The following CIB3 variants were observed in gnomAD, a reference collection of about 807,000 sequenced individuals.
The protein encoded by CIB3 is calcium and integrin-binding family member 3.
CIB3 carries 22 observed loss-of-function variants against 23.4 expected under a neutral mutation model. The ratio of observed to expected loss-of-function variants is 0.94; its 90% CI spans 0.67 to 1.34. CIB3 has a LOEUF of 1.34. Ranked by LOEUF, CIB3 falls within the 40% of genes most tolerant of loss-of-function variation. The pLI, the probability that CIB3 is intolerant of heterozygous loss-of-function variation, is 0.00. For missense variants in CIB3, 258 were observed against 247.3 expected, an observed-to-expected ratio of 1.04 and a Z score of -0.29; for synonymous variants, 93 against 95.8, an observed-to-expected ratio of 0.97 and a Z score of 0.17.
At chr19:16,173,246 T>G in intron 1 of CIB3, 50 bp from the exon 2 acceptor site, 1 of 1,612,656 alleles carries the variant, frequency 6.2e-7, no homozygotes, top group South Asian at 1.1e-5. Context: ...TGGGGCCTCC[T>G]CCCACGGCCT....
At chr19:16,172,983 A>G (rs112422304) in intron 2 of CIB3, among the ~76,000 whole-genome samples, 179 bp downstream of exon 2, 1,441 of 70,290 alleles carry the variant, frequency 0.021, 34 homozygotes, top group African/African-American at 0.046. Context: ...GGAAGGAAGG[A>G]AGGGAGGGAG....
intron 3 of CIB3, among the ~76,000 whole-genome samples, chr19:16,169,063 C>T (rs1434717949): frequency 1.3e-5 from 2 of 152,198 alleles, no homozygotes; most frequent in South Asian, 2.1e-4. Flanking sequence ...ACTTGACACA[C>T]AACACACCCT....
intron 4 of CIB3, 48 bp from the exon 5 acceptor site, chr19:16,164,961 A>G (rs4808461): frequency 0.79 from 1,229,548 of 1,552,176 alleles, 488,992 homozygotes; most frequent in East Asian, 0.94. Flanking sequence ...CAGGAGGGCT[A>G]GGCCGGCTGT....
chr19:16,168,161 C>A lies in CIB3; in HGVS notation c.322G>T (p.Ala108Ser). The A allele has an allele frequency of 1.2e-6, 2 of 1,610,600 alleles. No homozygotes were observed. Among genetic ancestry groups the A allele is most frequent in the Admixed American group, 1.7e-5 (1 of 59,426 alleles). The change falls in exon 4 of 6, where the codon GCT becomes TCT. Residue 108 changes from alanine (A) to serine (S), a missense_variant. Transcript: ENST00000269878. ...MSEMAPRDLK[A>S]YYAFKIYDFN... is the part of the protein sequence containing the mutation. ...CCATAAATTTTAAAAGCATAGTAAG[C>A]CTTGAGGTCGCGGGGAGCCATTTCA...
Position 16,169,748 on chromosome 19 carries a change from T to G in CIB3, c.87-7A>C, listed in dbSNP as rs1599437106. On this transcript the variant is annotated splice_region_variant and splice_polypyrimidine_tract_variant and intron_variant, in intron 2 of 5. Transcript: ENST00000269878. ...CTGGTAGCGATAGAAGAGCCTGATG[T>G]GGGGAGGAAAAAGCTGGGAAAGACT... The G allele has an allele frequency of 1.3e-6, 2 of 1,592,708 alleles. No homozygotes were observed. The highest frequency in any genetic ancestry group is 2.7e-5 in the African/African-American group (2 of 73,812).
At chr19:16,168,011 G>C in intron 4 of CIB3, 126 bp downstream of exon 4, 1 of 1,223,676 alleles carries the variant, frequency 8.2e-7, no homozygotes, top group East Asian at 2.6e-5. Flanking sequence ...TTGGAGTGGG[G>C]TGGAGGACAG....
chr19:16,162,945 C>T (rs1271744780), intron 5 of CIB3, among the ~76,000 whole-genome samples: 2 of 136,872 alleles, frequency 1.5e-5, no homozygotes, highest in Admixed American at 1.6e-4. Flanking sequence ...TACAGTGGCG[C>T]AATCGTGGCT....
intron 1 of CIB3, 68 bp downstream of exon 1, chr19:16,173,357 T>C: frequency 6.4e-7 from 1 of 1,561,996 alleles, no homozygotes; most frequent in Non-Finnish European, 8.8e-7. Context: ...AGGCATTCTG[T>C]TCCCATTTCC....
chr19:16,168,125 C>G lies in CIB3; in HGVS notation c.346+12G>C, dbSNP rs1369869490. The G allele has an allele frequency of 6.3e-7, 1 of 1,589,778 alleles. No individual in the cohort carries two copies. The highest frequency in any genetic ancestry group is 8.6e-7 in the Non-Finnish European group (1 of 1,168,112). On this transcript the variant is annotated intron_variant, in intron 4 of 5. Coordinates refer to ENST00000269878, the MANE Select transcript of CIB3 (RefSeq NM_054113.4). ...ATCCCCATGCTTCCCAACCCCAGGG[C>G]CACGCACGCACCATAAATTTTAAAA...
intron 2 of CIB3, among the ~76,000 whole-genome samples, chr19:16,172,956 A>G (rs959273402): frequency 2.1e-5 from 3 of 141,706 alleles, no homozygotes; most frequent in African/African-American, 7.5e-5. Context: ...TGTCTCAAAA[A>G]AAAAGAAAAG....
chr19:16,173,417 C>A lies in CIB3; in HGVS notation c.51+8G>T, dbSNP rs755328440. On this transcript the variant is annotated splice_region_variant and intron_variant, in intron 1 of 5. Coordinates refer to ENST00000269878, the MANE Select transcript of CIB3 (RefSeq NM_054113.4). ...AACCCACTGAGGACCCATCCTGCCC[C>A]CCTCTACCTGATACGCTTCCAGCTG... is the stretch of plus-strand genomic sequence containing the variant. 1.2e-6 allele frequency: 2 copies of A among 1,613,182 alleles called. No homozygotes were observed. Among genetic ancestry groups the A allele is most frequent in the African/African-American group, 2.7e-5 (2 of 74,902 alleles).
At chr19:16,167,959 GTGGC>G (rs1325231106) in intron 4 of CIB3, among the ~76,000 whole-genome samples, 174 bp downstream of exon 4, 5 of 152,214 alleles carry the variant, frequency 3.3e-5, no homozygotes, top group Admixed American at 3.3e-4. Context: ...CAAGGCCCAT[GTGGC>G]TGGAATAGAG....
chr19:16,173,057 C>CACAT, intron 2 of CIB3, 105 bp downstream of exon 2: 1 of 1,244,158 alleles, frequency 8.0e-7, no homozygotes, highest in Non-Finnish European at 1.2e-6. Context: ...CACACACACA[C>CACAT]ACACACACAC....
chr19:16,171,145 A>AAAAT (rs1568338712), intron 2 of CIB3, among the ~76,000 whole-genome samples: 2 of 152,034 alleles, frequency 1.3e-5, no homozygotes, highest in African/African-American at 2.4e-5. Flanking sequence ...CTCAATAAAA[A>AAAAT]AAATAAATAA....
At position 16,166,856 on chromosome 19, in the gene CIB3, G is replaced by T. The variant is rs959167167; in HGVS notation, c.346+1281C>A. 1.3e-5 allele frequency among the ~76,000 whole-genome samples: 2 copies of T among 152,194 alleles called. 1 individual carries two copies. Among genetic ancestry groups the T allele is most frequent in the African/African-American group, 4.8e-5 (2 of 41,450 alleles). On this transcript the variant is annotated intron_variant, in intron 4 of 5. Coordinates refer to ENST00000269878, the MANE Select transcript of CIB3 (RefSeq NM_054113.4). ...CCACTTTGGGAAGCCGAGGTGGGTG[G>T]ATCACTTGAGGTTAGGAGTTCAAGA... is the stretch of plus-strand genomic sequence containing the variant.
intron 5 of CIB3, 97 bp from the exon 6 acceptor site, chr19:16,161,583 G>T: frequency 7.3e-7 from 1 of 1,371,350 alleles, no homozygotes; most frequent in Non-Finnish European, 1.0e-6. Context: ...CCTGGGACAG[G>T]CAGGAAGGAT....
At position 16,161,505 on chromosome 19, in the gene CIB3, G is replaced by T. The variant is rs575708198; in HGVS notation, c.543-19C>A. On this transcript the variant is annotated intron_variant, in intron 5 of 5. Coordinates refer to ENST00000269878, the MANE Select transcript of CIB3 (RefSeq NM_054113.4). ...GAAGGTGCTGTGTGCAGAGAGAAAA[G>T]GAGTCAAGGCCTTCAAGGAGTGGAC... is the stretch of plus-strand genomic sequence containing the variant. 1.4e-5 allele frequency: 22 copies of T among 1,613,652 alleles called. 2 individuals carry two copies. In the South Asian group the frequency reaches 2.4e-4, roughly 18 times the overall value.
chr19:16,163,301 T>C lies in CIB3; in HGVS notation c.542+1417A>G, dbSNP rs2091292965. ...TGGGCGTGGTGGCTCACGCTTGTAC[T>C]CCCAGCAGTCTGGGAGGCCACAGTA... On this transcript the variant is annotated intron_variant, in intron 5 of 5. Transcript: ENST00000269878. Among the ~76,000 whole-genome samples the C allele has an allele frequency of 2.0e-5, 3 of 152,098 alleles. No homozygotes were observed. The South Asian group carries it at 6.2e-4, about 32-fold the overall frequency.
intron 4 of CIB3, among the ~76,000 whole-genome samples, chr19:16,166,389 C>T (rs1250079508): frequency 6.6e-6 from 1 of 152,140 alleles, no homozygotes; most frequent in African/African-American, 2.4e-5. Flanking sequence ...ATTTCTTGAA[C>T]ACGTACTACG....
Sources: allele counts gnomAD v4.1 joint callset (sites outside exome capture counted in the v4.1 genomes callset), GRCh38; gene constraint gnomAD v4.1.1; transcripts MANE v1.5; gene names NCBI Gene and HGNC (gene_info 2026-07-23, HGNC 2026-07-21).